CEBPB: variants seen among roughly 807,000 people sequenced by gnomAD.
The protein encoded by CEBPB is CCAAT enhancer binding protein beta, also known as CCAAT/enhancer-binding protein beta.
For missense variants in CEBPB, 498 were observed against 533.1 expected, an observed-to-expected ratio of 0.93 and a Z score of 0.65; for synonymous variants, 295 against 267.1, an observed-to-expected ratio of 1.10 and a Z score of -1.02.
In CEBPB at chr20:50,191,525, C is replaced by G. The variant is rs2081577824; in HGVS notation, c.492C>G (p.Pro164=). The change falls in exon 1 of 1, where the codon CCC becomes CCG. Residue 164 remains proline, a synonymous_variant. Coordinates refer to ENST00000303004, the MANE Select transcript of CEBPB (RefSeq NM_005194.4). The part of the protein sequence containing the change: ...PGCFAPLHPP[P]PPPPPPAELK... ...GCTTCGCGCCCCTGCACCCACCGCCCCCGCCGCCGCCGCCGCCCGCCGAGC... is the reference window on the plus strand; with the variant it reads ...GCTTCGCGCCCCTGCACCCACCGCCGCCGCCGCCGCCGCCGCCCGCCGAGC... The G allele has an allele frequency of 4.6e-6, 6 of 1,310,852 alleles. No homozygotes were observed. The highest frequency in any genetic ancestry group is 5.8e-6 in the Non-Finnish European group (6 of 1,035,048). The allele number at this position is 1,310,852 out of a possible 1,614,324, so 81.2% of individuals were successfully genotyped here. A position where few individuals can be genotyped will look rare whatever the true frequency, so the allele number is the denominator to read the frequency against.
rs977528485 is a variant in CEBPB at position 50,191,610 on chromosome 20, C to A, written c.577C>A (p.Pro193Thr). 4.5e-6 allele frequency: 6 copies of A among 1,345,854 alleles called. No homozygotes were observed. The highest frequency in any genetic ancestry group is 1.5e-5 in the African/African-American group (1 of 64,574). 83.4% of individuals were successfully genotyped at this position (1,345,854 alleles called of 1,614,324 possible). Residue 193 changes from proline (P) to threonine (T), a missense_variant, in exon 1 of 1, where the codon CCG becomes ACG. Physicochemically the swap from Pro to Thr is conservative, Grantham distance 38 (BLOSUM62 -1). Coordinates refer to ENST00000303004, the MANE Select transcript of CEBPB (RefSeq NM_005194.4). The part of the protein sequence containing the change: ...DCKRKEEAGA[P>T]GGGAGMAAGF... ...CAAGCGGAAGGAGGAGGCCGGGGCG[C>A]CGGGCGGCGGCGCAGGCATGGCGGC...
Position 50,191,612 on chromosome 20 carries a change from GGGC to G in CEBPB, c.587_589del (p.Gly196del). The G allele has an allele frequency of 7.4e-7, 1 of 1,346,194 alleles. No individual in the cohort carries two copies. Among genetic ancestry groups the G allele is most frequent in the South Asian group, 2.0e-5 (1 of 50,808 alleles). The allele number at this position is 1,346,194 out of a possible 1,614,324, so 83.4% of individuals were successfully genotyped here. On this transcript the variant is annotated inframe_deletion, in exon 1 of 1. Coordinates refer to ENST00000303004, the MANE Select transcript of CEBPB (RefSeq NM_005194.4). Reference sequence around the variant, plus strand: ...AGCGGAAGGAGGAGGCCGGGGCGCCGGGCGGCGGCGCAGGCATGGCGGCGGGCT... The same window carrying G: ...AGCGGAAGGAGGAGGCCGGGGCGCCGGGCGGCGCAGGCATGGCGGCGGGCT...
At position 50,191,819 on chromosome 20, in the gene CEBPB, G is replaced by C. The variant is rs143316879; in HGVS notation, c.786G>C (p.Lys262Asn). 1 of 1,586,784 alleles carries C rather than the reference G, an allele frequency of 6.3e-7. No individual in the cohort carries two copies. The highest frequency in any genetic ancestry group is 8.6e-7 in the Non-Finnish European group (1 of 1,167,450). ...AAPAPSQVKS[K>N]AKKTVDKHSD... ...CGGCGCCCTCGCAGGTCAAGAGCAAGGCCAAGAAGACCGTGGACAAGCACA... is the reference window on the plus strand; with the variant it reads ...CGGCGCCCTCGCAGGTCAAGAGCAACGCCAAGAAGACCGTGGACAAGCACA... The change falls in exon 1 of 1, where the codon AAG (lysine) becomes AAC (asparagine). Residue 262 changes from lysine (K) to asparagine (N), a missense_variant. Physicochemically the swap from Lys to Asn is moderately conservative, Grantham distance 94. Transcript: ENST00000303004.
chr20:50,191,771 C>T lies in CEBPB; in HGVS notation c.738C>T (p.Thr246=). 1.3e-6 allele frequency: 2 copies of T among 1,542,700 alleles called. No individual in the cohort carries two copies. Among genetic ancestry groups the T allele is most frequent in the Non-Finnish European group, 1.7e-6 (2 of 1,145,146 alleles). ...CCGCTGACGCCAAGGCGCCCCCGAC[C>T]GCCTGCTACGCGGGGGCCGCGCCGG... ...PSPADAKAPP[T]ACYAGAAPAP... is the part of the protein sequence containing the mutation. Residue 246 remains threonine (T), a synonymous_variant, in exon 1 of 1, where the codon ACC becomes ACT. Transcript: ENST00000303004.
In CEBPB at chr20:50,191,416, G is replaced by T. The variant is rs760354287; in HGVS notation, c.383G>T (p.Gly128Val). The stretch of plus-strand genomic sequence containing the variant: ...GACCTCTTCTCCGACGACTACGGGG[G>T]CAAGAACTGCAAGAAGCCGGCCGAG... The part of the protein sequence containing the change: ...LSDLFSDDYG[G>V]KNCKKPAEYG... Residue 128 changes from glycine (G) to valine (V), a missense_variant, in exon 1 of 1, where the codon GGC (glycine) becomes GTC (valine). By Grantham distance (109) the Gly-to-Val change is moderately radical (BLOSUM62 -3). Coordinates refer to ENST00000303004, the MANE Select transcript of CEBPB (RefSeq NM_005194.4). The T allele has an allele frequency of 1.3e-6, 2 of 1,521,990 alleles. No homozygotes were observed. Among genetic ancestry groups the T allele is most frequent in the Admixed American group, 2.0e-5 (1 of 51,166 alleles). 94.3% of individuals were successfully genotyped at this position (1,521,990 alleles called of 1,614,324 possible).
In CEBPB at chr20:50,191,964, G is replaced by A. The variant is rs1218889971; in HGVS notation, c.931G>A (p.Glu311Lys). Residue 311 changes from glutamate (E) to lysine (K), a missense_variant, in exon 1 of 1, where the codon GAG becomes AAG. Glu to Lys is a moderately conservative substitution (Grantham distance 56). Transcript: ENST00000303004. ...GGTCCTGGAGCTCACGGCCGAGAAC[G>A]AGCGGCTGCAGAAGAAGGTGGAGCA... ...HKVLELTAEN[E>K]RLQKKVEQLS... 3 of 1,611,880 alleles carry A rather than the reference G, an allele frequency of 1.9e-6. No individual in the cohort carries two copies. Among genetic ancestry groups the A allele is most frequent in the Non-Finnish European group, 2.5e-6 (3 of 1,179,412 alleles).
At position 50,190,996 on chromosome 20, in the gene CEBPB, C is replaced by A. The variant is rs2081571394; in HGVS notation, c.-38C>A. 3 of 1,440,734 alleles carry A rather than the reference C, an allele frequency of 2.1e-6. No individual in the cohort carries two copies. Among genetic ancestry groups the A allele is most frequent in the African/African-American group, 3.0e-5 (2 of 67,746 alleles). 89.2% of individuals were successfully genotyped at this position (1,440,734 alleles called of 1,614,324 possible). A position where few individuals can be genotyped will look rare whatever the true frequency, so the allele number is the denominator to read the frequency against. On this transcript the variant is annotated 5_prime_UTR_variant, in exon 1 of 1. Coordinates refer to ENST00000303004, the MANE Select transcript of CEBPB (RefSeq NM_005194.4). ...CGCGCCACCTGCGGGCCGGCCGGAGCGGGCAGCCCCAGGCCCCCTCCCCGG... is the reference window on the plus strand; with the variant it reads ...CGCGCCACCTGCGGGCCGGCCGGAGAGGGCAGCCCCAGGCCCCCTCCCCGG...
chr20:50,192,127 C>G lies in CEBPB; in HGVS notation c.*56C>G. ...CGGGGCTGAGACTCCGGGGAGCGCC[C>G]GCGCCCGCGCCCTCGCCCCCGCCCC... is the stretch of plus-strand genomic sequence containing the variant. On this transcript the variant is annotated 3_prime_UTR_variant, in exon 1 of 1. Transcript: ENST00000303004. 3 of 1,290,502 alleles carry G rather than the reference C, an allele frequency of 2.3e-6. 1 individual carries two copies. Among genetic ancestry groups the G allele is most frequent in the Non-Finnish European group, 3.0e-6 (3 of 1,015,792 alleles). The allele number at this position is 1,290,502 out of a possible 1,614,324, so 79.9% of individuals were successfully genotyped here. A position where few individuals can be genotyped will look rare whatever the true frequency, so the allele number is the denominator to read the frequency against.
At position 50,191,204 on chromosome 20, in the gene CEBPB, C is replaced by T. The variant is rs1275613570; in HGVS notation, c.171C>T (p.Arg57=). 9 of 1,301,406 alleles carry T rather than the reference C, an allele frequency of 6.9e-6. No individual in the cohort carries two copies. Among genetic ancestry groups the T allele is most frequent in the Non-Finnish European group, 8.8e-6 (9 of 1,027,742 alleles). The allele number at this position is 1,301,406 out of a possible 1,614,324, so 80.6% of individuals were successfully genotyped here. Residue 57 remains arginine (R), a synonymous_variant, in exon 1 of 1, where the codon CGC becomes CGT. Coordinates refer to ENST00000303004, the MANE Select transcript of CEBPB (RefSeq NM_005194.4). ...CCCCCGCGGCCAGACCCGGGCCGCGCCCCCCCGCCGGCGAGCTGGGCAGCA... is the reference window on the plus strand; with the variant it reads ...CCCCCGCGGCCAGACCCGGGCCGCGTCCCCCCGCCGGCGAGCTGGGCAGCA... ...AAPPAARPGP[R]PPAGELGSIG...
In CEBPB at chr20:50,191,458, T is replaced by C. The variant is rs1568673694; in HGVS notation, c.425T>C (p.Leu142Pro). Residue 142 changes from leucine to proline, a missense_variant, in exon 1 of 1, where the codon CTG becomes CCG. Leu to Pro is a moderately conservative substitution (Grantham distance 98). Coordinates refer to ENST00000303004, the MANE Select transcript of CEBPB (RefSeq NM_005194.4). The part of the protein sequence containing the change: ...KKPAEYGYVS[L>P]GRLGAAKGAL... ...CCGGCCGAGTACGGCTACGTGAGCC[T>C]GGGGCGCCTGGGGGCCGCCAAGGGC... 1 of 1,500,530 alleles carries C rather than the reference T, an allele frequency of 6.7e-7. No homozygotes were observed. Among genetic ancestry groups the C allele is most frequent in the Non-Finnish European group, 8.9e-7 (1 of 1,122,768 alleles). 93.0% of individuals were successfully genotyped at this position (1,500,530 alleles called of 1,614,324 possible).
rs1158052891 is a variant in CEBPB at position 50,191,531 on chromosome 20, G to A, written c.498G>A (p.Pro166=). ...CGCCCCTGCACCCACCGCCCCCGCC[G>A]CCGCCGCCGCCCGCCGAGCTCAAGG... ...CFAPLHPPPP[P]PPPPAELKAE... Residue 166 remains proline, a synonymous_variant, in exon 1 of 1, where the codon CCG becomes CCA. Transcript: ENST00000303004. 4 of 1,307,870 alleles carry A rather than the reference G, an allele frequency of 3.1e-6. No individual in the cohort carries two copies. Among genetic ancestry groups the A allele is most frequent in the Non-Finnish European group, 3.9e-6 (4 of 1,033,908 alleles). The allele number at this position is 1,307,870 out of a possible 1,614,324, so 81.0% of individuals were successfully genotyped here.
rs574993056 is a variant in CEBPB at position 50,191,906 on chromosome 20, G to A, written c.873G>A (p.Lys291=). ...TCGCCGTGCGCAAGAGCCGCGACAA[G>A]GCCAAGATGCGCAACCTGGAGACGC... ...NNIAVRKSRD[K]AKMRNLETQH... The change falls in exon 1 of 1, where the codon AAG becomes AAA. Residue 291 remains lysine (K), a synonymous_variant. Coordinates refer to ENST00000303004, the MANE Select transcript of CEBPB (RefSeq NM_005194.4). The A allele has an allele frequency of 1.2e-5, 19 of 1,612,984 alleles. No homozygotes were observed. The highest frequency in any genetic ancestry group is 2.7e-5 in the African/African-American group (2 of 75,008).
chr20:50,190,759 G>A (rs2081569541), upstream of CEBPB: 1 of 299,334 alleles, frequency 3.3e-6, no homozygotes, highest in Non-Finnish European at 6.1e-6. Flanking sequence ...GCGGCGCGGC[G>A]GGAGGGGCCG....
At chr20:50,190,660 C>G (rs971669948), upstream of CEBPB, 1 of 161,752 alleles carries the variant, frequency 6.2e-6, no homozygotes. Flanking sequence ...CCCCCGAAAA[C>G]GCGCTCCGGG....
rs1194782997 is a variant in CEBPB at position 50,192,573 on chromosome 20, AT to A, written c.*505del. The A allele has an allele frequency of 6.0e-6, 1 of 166,682 alleles. No individual in the cohort carries two copies. Among genetic ancestry groups the A allele is most frequent in the Non-Finnish European group, 1.5e-5 (1 of 68,078 alleles). The allele number at this position is 166,682 out of a possible 1,614,324, so 10.3% of individuals were successfully genotyped here. On this transcript the variant is annotated 3_prime_UTR_variant, in exon 1 of 1. Coordinates refer to ENST00000303004, the MANE Select transcript of CEBPB (RefSeq NM_005194.4). ...TTTTTTGTATTATAAAAAATAATCT[AT>A]TTCTATGAGAAAAGAGGCGTCTGTA... is the stretch of plus-strand genomic sequence containing the variant.
chr20:50,191,789 C>G lies in CEBPB; in HGVS notation c.756C>G (p.Ala252=). The G allele has an allele frequency of 6.5e-7, 1 of 1,550,128 alleles. No individual in the cohort carries two copies. The highest frequency in any genetic ancestry group is 8.7e-7 in the Non-Finnish European group (1 of 1,148,550). ...CCCCGACCGCCTGCTACGCGGGGGC[C>G]GCGCCGGCGCCCTCGCAGGTCAAGA... The part of the protein sequence containing the change: ...KAPPTACYAG[A]APAPSQVKSK... Residue 252 remains alanine, a synonymous_variant, in exon 1 of 1, where the codon GCC becomes GCG. Coordinates refer to ENST00000303004, the MANE Select transcript of CEBPB (RefSeq NM_005194.4).
At position 50,191,452 on chromosome 20, in the gene CEBPB, T is replaced by C; in HGVS notation, c.419T>C (p.Val140Ala). 1 of 1,511,732 alleles carries C rather than the reference T, an allele frequency of 6.6e-7. No individual in the cohort carries two copies. The highest frequency in any genetic ancestry group is 1.5e-5 in the African/African-American group (1 of 68,874). The allele number at this position is 1,511,732 out of a possible 1,614,324, so 93.6% of individuals were successfully genotyped here. Residue 140 changes from valine (V) to alanine (A), a missense_variant, in exon 1 of 1, where the codon GTG (valine) becomes GCG (alanine). By Grantham distance (64) the Val-to-Ala change is moderately conservative. Coordinates refer to ENST00000303004, the MANE Select transcript of CEBPB (RefSeq NM_005194.4). ...NCKKPAEYGY[V>A]SLGRLGAAKG... The stretch of plus-strand genomic sequence containing the variant: ...AAGAAGCCGGCCGAGTACGGCTACG[T>C]GAGCCTGGGGCGCCTGGGGGCCGCC...
Position 50,191,825 on chromosome 20 carries a change from G to A in CEBPB, c.792G>A (p.Lys264=), listed in dbSNP as rs2147339206. 6 of 1,592,690 alleles carry A rather than the reference G, an allele frequency of 3.8e-6. No individual in the cohort carries two copies. The highest frequency in any genetic ancestry group is 1.3e-5 in the African/African-American group (1 of 74,314). ...CCTCGCAGGTCAAGAGCAAGGCCAAGAAGACCGTGGACAAGCACAGCGACG... is the reference window on the plus strand; with the variant it reads ...CCTCGCAGGTCAAGAGCAAGGCCAAAAAGACCGTGGACAAGCACAGCGACG... The part of the protein sequence containing the change: ...PAPSQVKSKA[K]KTVDKHSDEY... The change falls in exon 1 of 1, where the codon AAG becomes AAA. Residue 264 remains lysine, a synonymous_variant. Coordinates refer to ENST00000303004, the MANE Select transcript of CEBPB (RefSeq NM_005194.4).
rs1430043245 is a variant in CEBPB, at chr20:50,191,365, C to T, written c.332C>T (p.Ser111Phe). The T allele has an allele frequency of 2.0e-6, 3 of 1,464,478 alleles. No individual in the cohort carries two copies. Among genetic ancestry groups the T allele is most frequent in the Middle Eastern group, 3.6e-4 (2 of 5,630 alleles). 90.7% of individuals were successfully genotyped at this position (1,464,478 alleles called of 1,614,324 possible). Residue 111 changes from serine to phenylalanine, a missense_variant, in exon 1 of 1, where the codon TCC (serine) becomes TTC (phenylalanine). Physicochemically the swap from Ser to Phe is radical, Grantham distance 155. Transcript: ENST00000303004. ...PPAPAPAPASSGQHHDFLSDL... is the reference protein window; with the variant it reads ...PPAPAPAPASFGQHHDFLSDL... ...GCGCCCGCCCCCGCGCCCGCCTCCT[C>T]CGGGCAGCACCACGACTTCCTCTCC...
Sources: gnomAD v4.1 joint callset for allele counts on GRCh38, gnomAD v4.1.1 for gene constraint, MANE v1.5 for transcripts, NCBI Gene and HGNC (gene_info 2026-07-23, HGNC 2026-07-21) for gene names.